The following ATAD5 variants were observed in gnomAD, a reference collection of about 807,000 sequenced individuals.
ATAD5 encodes ATPase family AAA domain-containing protein 5.
A neutral mutation model predicts 176.9 loss-of-function variants in ATAD5; 58 were observed. That is an observed-to-expected ratio of 0.33 (90% CI 0.27 to 0.41). The LOEUF is 0.41. ATAD5 is among the 10% of genes least tolerant of loss of function. ATAD5 has a pLI of 1.00. For synonymous variants in ATAD5, 640 were observed against 712.6 expected (o/e 0.90, Z 1.62); for missense variants, 1,789 against 2,094.1 (o/e 0.85, Z 2.84).
chr17:30,878,082 T>C lies in ATAD5; in HGVS notation c.3998T>C (p.Ile1333Thr). 2.7e-5 allele frequency: 44 copies of C among 1,608,728 alleles called. No homozygotes were observed. Among genetic ancestry groups the C allele is most frequent in the Non-Finnish European group, 3.7e-5 (43 of 1,176,680 alleles). ...ATGGCAACAACTAAACGACCTGTAA[T>C]CCTTACTACAAGTGGTAGGTAACAA... ...TFMATTKRPV[I>T]LTTSDPTFSL... The change falls in exon 17 of 23, where the codon ATC becomes ACC. Residue 1333 changes from isoleucine (I) to threonine (T), a missense_variant. By Grantham distance (89) the Ile-to-Thr change is moderately conservative. Around this residue, in one of 6 missense-constraint regions of ATAD5, gnomAD observed 194 missense variants for 270.1 expected, o/e 0.72. Transcript: ENST00000321990.
At chr17:30,889,533 T>A (rs1348344448) in intron 19 of ATAD5, among the ~76,000 whole-genome samples, 1 of 151,972 alleles carries the variant, frequency 6.6e-6, no homozygotes, top group Non-Finnish European at 1.5e-5. Context: ...ACAATCACTT[T>A]TAGCTTCAGG....
At chr17:30,879,321 G>A in intron 17 of ATAD5, 102 bp from the exon 18 acceptor site, 1 of 1,313,894 alleles carries the variant, frequency 7.6e-7, no homozygotes, top group Admixed American at 2.1e-5. Flanking sequence ...TGGTGGGGAG[G>A]CGGGTGCTGA....
chr17:30,855,280 T>C lies in ATAD5; in HGVS notation c.2588T>C (p.Val863Ala). Reference sequence around the variant, plus strand: ...GCTGCGCTGGATGTGTACAATGCAGTGAGTACCAGTTTCCAGAGAGTCGTA... The same window carrying C: ...GCTGCGCTGGATGTGTACAATGCAGCGAGTACCAGTTTCCAGAGAGTCGTA... ...KAAALDVYNA[V>A]STSFQRVVHV... is the part of the protein sequence containing the mutation. The change falls in exon 7 of 23, where the codon GTG (valine) becomes GCG (alanine). Residue 863 changes from valine to alanine, a missense_variant. Val to Ala is a moderately conservative substitution (Grantham distance 64, BLOSUM62 0). This residue lies in a region of ATAD5 where 487 missense variants were observed against 573.6 expected (regional missense o/e 0.85). Transcript: ENST00000321990. 1.9e-6 allele frequency: 3 copies of C among 1,608,926 alleles called. No individual in the cohort carries two copies. The highest frequency in any genetic ancestry group is 1.1e-5 in the South Asian group (1 of 89,458).
At position 30,834,553 on chromosome 17, in the gene ATAD5, G is replaced by A; in HGVS notation, c.472G>A (p.Val158Ile). The change falls in exon 2 of 23, where the codon GTT becomes ATT. Residue 158 changes from valine to isoleucine, a missense_variant. Physicochemically the swap from Val to Ile is conservative, Grantham distance 29. This residue lies in a region of ATAD5 where 696 missense variants were observed against 712.5 expected (regional missense o/e 0.98). Transcript: ENST00000321990. Reference protein sequence around the residue: ...NNDFVESSTSVLRYKKQVEVL... With the variant: ...NNDFVESSTSILRYKKQVEVL... ...TGATTTTGTGGAAAGTAGTACTTCT[G>A]TTTTACGTTACAAGAAACAAGTAGA... The A allele has an allele frequency of 6.2e-7, 1 of 1,601,872 alleles. No individual in the cohort carries two copies. The highest frequency in any genetic ancestry group is 1.1e-5 in the South Asian group (1 of 87,616).
intron 6 of ATAD5, 37 bp from the exon 7 acceptor site, chr17:30,855,106 A>G: frequency 6.6e-7 from 1 of 1,517,250 alleles, no homozygotes; most frequent in Non-Finnish European, 8.9e-7. Flanking sequence ...AATGTTTATA[A>G]CCTTAGCTTT....
Position 30,843,950 on chromosome 17 carries a change from T to C in ATAD5, c.2279T>C (p.Leu760Ser). ...ATAATAGATTCAAGTCCTACTGCTTTAAAGCATCCAGAGAAAAATCAGAAG... is the reference window on the plus strand; with the variant it reads ...ATAATAGATTCAAGTCCTACTGCTTCAAAGCATCCAGAGAAAAATCAGAAG... ...VIIIDSSPTA[L>S]KHPEKNQKKL... The change falls in exon 5 of 23, where the codon TTA becomes TCA. Residue 760 changes from leucine (L) to serine (S), a missense_variant. Leu to Ser is a moderately radical substitution (Grantham distance 145, BLOSUM62 -2). Around this residue, in one of 6 missense-constraint regions of ATAD5, gnomAD observed 487 missense variants for 573.6 expected, o/e 0.85. Coordinates refer to ENST00000321990, the MANE Select transcript of ATAD5 (RefSeq NM_024857.5). The C allele has an allele frequency of 6.6e-7, 1 of 1,509,220 alleles. No homozygotes were observed. The highest frequency in any genetic ancestry group is 1.2e-5 in the South Asian group (1 of 80,106). The allele number at this position is 1,509,220 out of a possible 1,614,324, so 93.5% of individuals were successfully genotyped here. A position where few individuals can be genotyped will look rare whatever the true frequency, so the allele number is the denominator to read the frequency against.
At chr17:30,839,730 C>T (rs949920948) in intron 3 of ATAD5, among the ~76,000 whole-genome samples, 5 of 151,680 alleles carry the variant, frequency 3.3e-5, no homozygotes, top group African/African-American at 9.7e-5. Context: ...TACAGACGCC[C>T]GCCACCAAGC....
At chr17:30,865,523 A>C (rs1907930865) in intron 10 of ATAD5, among the ~76,000 whole-genome samples, 181 bp from the exon 11 acceptor site, 1 of 152,012 alleles carries the variant, frequency 6.6e-6, no homozygotes, top group African/African-American at 2.4e-5. Flanking sequence ...TTTAGGGGGA[A>C]GGGTTTGGTG....
At position 30,855,292 on chromosome 17, in the gene ATAD5, T is replaced by G. The variant is rs1263782682; in HGVS notation, c.2600T>G (p.Phe867Cys). The change falls in exon 7 of 23, where the codon TTC becomes TGC. Residue 867 changes from phenylalanine to cysteine, a missense_variant. Around this residue, in one of 6 missense-constraint regions of ATAD5, gnomAD observed 487 missense variants for 573.6 expected, o/e 0.85. Transcript: ENST00000321990. The part of the protein sequence containing the change: ...LDVYNAVSTS[F>C]QRVVHVQQKD... ...GTGTACAATGCAGTGAGTACCAGTT[T>G]CCAGAGAGTCGTACATGTGCAACAA... The G allele has an allele frequency of 6.2e-6, 10 of 1,606,516 alleles. No individual in the cohort carries two copies. Among genetic ancestry groups the G allele is most frequent in the Non-Finnish European group, 8.5e-6 (10 of 1,177,962 alleles).
At chr17:30,837,123 C>G in intron 2 of ATAD5, 83 bp from the exon 3 acceptor site, 2 of 776,214 alleles carry the variant, frequency 2.6e-6, no homozygotes, top group Non-Finnish European at 3.9e-6. Context: ...ACTGCACCAG[C>G]TCTATTTTAT....
chr17:30,848,612 A>G (rs1255955012), intron 6 of ATAD5, among the ~76,000 whole-genome samples: 1 of 152,164 alleles, frequency 6.6e-6, no homozygotes, highest in Admixed American at 6.6e-5. Flanking sequence ...TTGTACACCC[A>G]GTGAAACCAC....
intron 9 of ATAD5, among the ~76,000 whole-genome samples, 167 bp from the exon 10 acceptor site, chr17:30,860,266 C>T (rs1261398761): frequency 2.0e-5 from 3 of 152,150 alleles, no homozygotes; most frequent in Non-Finnish European, 4.4e-5. Context: ...TCAAGCAATC[C>T]GCTCACCTCA....
chr17:30,855,959 C>T (rs1360088326), intron 7 of ATAD5, among the ~76,000 whole-genome samples: 3 of 151,926 alleles, frequency 2.0e-5, no homozygotes, highest in Non-Finnish European at 4.4e-5. Context: ...TATTTCCCAT[C>T]TCTGCCACTG....
chr17:30,847,174 A>T (rs191146212), intron 6 of ATAD5, among the ~76,000 whole-genome samples: 2 of 152,284 alleles, frequency 1.3e-5, no homozygotes, highest in Non-Finnish European at 2.9e-5. Flanking sequence ...TTCTGTTGGT[A>T]TAGACTAGTT....
At position 30,893,584 on chromosome 17, in the gene ATAD5, T is replaced by C; in HGVS notation, c.4731T>C (p.Asp1577=). The C allele has an allele frequency of 1.2e-6, 2 of 1,613,750 alleles. No homozygotes were observed. Among genetic ancestry groups the C allele is most frequent in the Non-Finnish European group, 1.7e-6 (2 of 1,179,872 alleles). The part of the protein sequence containing the change: ...KKTLVILDDS[D]LFDTDLDFPD... ...CATTGGTAATATTAGATGATAGTGA[T>C]CTATTTGACACTGACTTGGACTTTC... Residue 1577 remains aspartate, a synonymous_variant, in exon 21 of 23, where the codon GAT becomes GAC. Coordinates refer to ENST00000321990, the MANE Select transcript of ATAD5 (RefSeq NM_024857.5).
At chr17:30,859,822 C>T (rs1390812840) in intron 9 of ATAD5, among the ~76,000 whole-genome samples, 2 of 147,318 alleles carry the variant, frequency 1.4e-5, no homozygotes, top group East Asian at 4.1e-4. Flanking sequence ...CTTCTAGGTT[C>T]CACCGATTCT....
intron 6 of ATAD5, among the ~76,000 whole-genome samples, chr17:30,847,941 C>G (rs1166136156): frequency 1.3e-5 from 2 of 149,390 alleles, no homozygotes; most frequent in Non-Finnish European, 3.0e-5. Flanking sequence ...AGGATGGTCT[C>G]GATCTCCTGA....
intron 19 of ATAD5, among the ~76,000 whole-genome samples, chr17:30,891,092 T>C (rs905077397): frequency 6.6e-6 from 1 of 152,118 alleles, no homozygotes; most frequent in East Asian, 1.9e-4. Context: ...GTCTGTAATA[T>C]TGATGGAGAG....
At chr17:30,855,028 AT>A in intron 6 of ATAD5, 114 bp from the exon 7 acceptor site, 3 of 956,962 alleles carry the variant, frequency 3.1e-6, no homozygotes, top group Non-Finnish European at 4.5e-6. Context: ...CAAAGTACTT[AT>A]ATTACAGGCA....
Sources: gnomAD v4.1 joint callset for allele counts (sites outside exome capture counted in the v4.1 genomes callset) on GRCh38, gnomAD v4.1.1 for gene constraint, gnomAD v4.1.1 regional missense constraint, MANE v1.5 for transcripts, NCBI Gene and HGNC (gene_info 2026-07-23, HGNC 2026-07-21) for gene names.